DIAPH2: variants seen among roughly 807,000 people sequenced by gnomAD.
DIAPH2 encodes the protein diaphanous related formin 2.
A neutral mutation model predicts 92.7 loss-of-function variants in DIAPH2; 35 were observed. That is an observed-to-expected ratio of 0.38 (90% CI 0.29 to 0.50). The LOEUF (loss-of-function observed/expected upper bound fraction) is 0.50, where lower values mean the gene tolerates loss of function less well. Among genes scored for constraint, DIAPH2 ranks in the 20% least tolerant of loss-of-function variants. DIAPH2 has a pLI of 0.94. For synonymous variants in DIAPH2, 301 were observed against 280.4 expected, an observed-to-expected ratio of 1.07 and a Z score of -0.73; for missense variants, 701 against 819.5, an observed-to-expected ratio of 0.86 and a Z score of 1.77.
intron 23 of DIAPH2, among the ~76,000 whole-genome samples, chrX:97,333,748 A>G (rs2069022282): frequency 1.8e-5 from 2 of 110,418 alleles, no homozygotes; most frequent in South Asian, 7.9e-4. Context: ...TAGTTTTAGT[A>G]GAGACGGGGT....
At chrX:96,932,704 AG>A (rs1018986158) in intron 10 of DIAPH2, among the ~76,000 whole-genome samples, 13 of 111,611 alleles carry the variant, frequency 1.2e-4, no homozygotes, top group African/African-American at 3.6e-4. Flanking sequence ...TTTTGATACA[AG>A]AACATGGTGT....
chrX:97,418,746 A>C (rs1316970377), intron 25 of DIAPH2, among the ~76,000 whole-genome samples: 1 of 112,214 alleles, frequency 8.9e-6, no homozygotes, highest in Non-Finnish European at 1.9e-5. Context: ...AGGCAGTCTC[A>C]GACAGCAAAG....
intron 22 of DIAPH2, among the ~76,000 whole-genome samples, chrX:97,207,764 AT>A (rs938165535): frequency 3.6e-5 from 4 of 111,723 alleles, no homozygotes; most frequent in African/African-American, 1.3e-4. Context: ...GTCAGTCATG[AT>A]CCATATATGC....
chrX:96,821,625 A>G (rs1261221323), intron 4 of DIAPH2, among the ~76,000 whole-genome samples: 1 of 112,283 alleles, frequency 8.9e-6, no homozygotes, highest in Non-Finnish European at 1.9e-5. Context: ...TAATATTTAT[A>G]ATTTTGATAA....
chrX:96,869,557 CACT>C (rs58876338), intron 4 of DIAPH2, among the ~76,000 whole-genome samples: 3,179 of 97,867 alleles, frequency 0.032, 143 homozygotes, highest in African/African-American at 0.11. Context: ...CTACTACTAC[CACT>C]ACTACTACTA....
chrX:97,296,488 A>C (rs1002374464), intron 23 of DIAPH2, among the ~76,000 whole-genome samples: 1 of 111,791 alleles, frequency 8.9e-6, no homozygotes, highest in African/African-American at 3.2e-5. Flanking sequence ...TAGCTATTGT[A>C]TATGTGTATT....
At chrX:97,255,947 G>A (rs867298411) in intron 23 of DIAPH2, among the ~76,000 whole-genome samples, 16 of 111,879 alleles carry the variant, frequency 1.4e-4, no homozygotes, top group African/African-American at 4.5e-4. Context: ...TTTGGTGCAT[G>A]ATGCTAATGG....
intron 24 of DIAPH2, among the ~76,000 whole-genome samples, chrX:97,350,040 T>C (rs1190403615): frequency 9.0e-6 from 1 of 111,191 alleles, no homozygotes; most frequent in Non-Finnish European, 1.9e-5. Flanking sequence ...CTAGGCGCGG[T>C]GGCTCACACC....
intron 26 of DIAPH2, among the ~76,000 whole-genome samples, chrX:97,575,614 G>A (rs916786596): frequency 1.8e-5 from 2 of 111,894 alleles, no homozygotes; most frequent in Non-Finnish European, 3.8e-5. Context: ...ATAAAAAGGA[G>A]GGAATAGGAT....
chrX:96,694,978 C>T (rs1424150880), intron 1 of DIAPH2, among the ~76,000 whole-genome samples: 10 of 99,157 alleles, frequency 1.0e-4, no homozygotes, highest in South Asian at 5.1e-4. Flanking sequence ...GACAGAGTCT[C>T]GCTCTGTCGC....
At chrX:97,221,127 C>CA (rs35876323) in intron 22 of DIAPH2, among the ~76,000 whole-genome samples, 1 of 106,974 alleles carries the variant, frequency 9.3e-6, no homozygotes, top group African/African-American at 3.4e-5. Flanking sequence ...TTCCATTAAA[C>CA]AAAAAAAAAA....
At chrX:96,869,589 C>CTACTACTACTAA (rs764240380) in intron 4 of DIAPH2, among the ~76,000 whole-genome samples, 15 of 107,623 alleles carry the variant, frequency 1.4e-4, no homozygotes, top group African/African-American at 4.5e-4. Context: ...ACTACTACTA[C>CTACTACTACTAA]TACTAATACT....
intron 23 of DIAPH2, among the ~76,000 whole-genome samples, chrX:97,337,564 AT>A (rs2147676120): frequency 8.9e-6 from 1 of 111,832 alleles, no homozygotes; most frequent in South Asian, 3.8e-4. Context: ...CTCCCCAGCC[AT>A]GTGAGACTGT....
At chrX:97,180,888 T>C (rs1379121551) in intron 22 of DIAPH2, among the ~76,000 whole-genome samples, 1 of 111,892 alleles carries the variant, frequency 8.9e-6, no homozygotes, top group East Asian at 2.8e-4. Context: ...ACCAGTACCA[T>C]GCTGTTTTGG....
In DIAPH2 at chrX:97,531,580, C is replaced by T. The variant is rs145576990; in HGVS notation, c.3242-67673C>T. The stretch of plus-strand genomic sequence containing the variant: ...AAATGTATATATGCTTATATACATA[C>T]TAATGTTTATCTGTTATGTGCACAT... On this transcript the variant is annotated intron_variant, in intron 26 of 26. Coordinates refer to ENST00000324765, the MANE Select transcript of DIAPH2 (RefSeq NM_006729.5). 9.3e-3 allele frequency among the ~76,000 whole-genome samples: 1,045 copies of T among 112,097 alleles called. 21 individuals are homozygous for T. The highest frequency in any genetic ancestry group is 0.031 in the African/African-American group (955 of 30,894).
chrX:96,758,050 G>T, intron 3 of DIAPH2, 104 bp from the exon 4 acceptor site: 5 of 700,013 alleles, frequency 7.1e-6, no homozygotes, highest in Non-Finnish European at 1.0e-5. Flanking sequence ...GTCACCACAT[G>T]AATTAGTATT....
chrX:96,953,031 A>C (rs1290729636), intron 15 of DIAPH2, among the ~76,000 whole-genome samples: 2 of 109,884 alleles, frequency 1.8e-5, no homozygotes, highest in South Asian at 3.9e-4. Flanking sequence ...AGATGGGAGG[A>C]TCACTTGAGT....
At chrX:97,322,862 A>G (rs1308688661) in intron 23 of DIAPH2, among the ~76,000 whole-genome samples, 8 of 108,819 alleles carry the variant, frequency 7.4e-5, no homozygotes. Context: ...ACAAGTACAA[A>G]TAGAAATATT....
At chrX:97,055,737 C>T (rs2066552365) in intron 17 of DIAPH2, among the ~76,000 whole-genome samples, 1 of 111,248 alleles carries the variant, frequency 9.0e-6, no homozygotes, top group African/African-American at 3.3e-5. Flanking sequence ...GTAGAGAATA[C>T]AATATGGAAA....
Sources: allele counts gnomAD v4.1 joint callset (sites outside exome capture counted in the v4.1 genomes callset), GRCh38; gene constraint gnomAD v4.1.1; transcripts MANE v1.5; gene names NCBI Gene and HGNC (gene_info 2026-07-23, HGNC 2026-07-21).